The following ADAM2 variants were observed in gnomAD, a reference collection of about 807,000 sequenced individuals.
The protein encoded by ADAM2 is ADAM metallopeptidase domain 2.
A neutral mutation model predicts 99.3 loss-of-function variants in ADAM2; 101 were observed. The ratio of observed to expected loss-of-function variants is 1.02; its 90% CI spans 0.87 to 1.20. The LOEUF (loss-of-function observed/expected upper bound fraction) is 1.20, where lower values mean the gene tolerates loss of function less well. Ranked by LOEUF, ADAM2 falls within the 50% of genes most tolerant of loss-of-function variation. The pLI is 0.00. For missense variants in ADAM2, 948 were observed against 878.7 expected (o/e 1.08, Z -1.00); for synonymous variants, 323 against 287.6 (o/e 1.12, Z -1.25).
intron 7 of ADAM2, among the ~76,000 whole-genome samples, chr8:39,804,183 T>C (rs1804335319): frequency 6.6e-6 from 1 of 152,216 alleles, no homozygotes; most frequent in Non-Finnish European, 1.5e-5. Flanking sequence ...TCAGGATTTA[T>C]GGAACTAAAG....
At chr8:39,797,380 A>C (rs1460699055) in intron 7 of ADAM2, among the ~76,000 whole-genome samples, 1 of 152,026 alleles carries the variant, frequency 6.6e-6, no homozygotes, top group Non-Finnish European at 1.5e-5. Context: ...GTTATTTATG[A>C]GGTCTCTGTT....
At chr8:39,793,604 G>C (rs771974144) in intron 7 of ADAM2, among the ~76,000 whole-genome samples, 19 of 152,086 alleles carry the variant, frequency 1.2e-4, no homozygotes, top group Admixed American at 2.0e-4. Flanking sequence ...TCAACTCACT[G>C]ATAAGAACTC....
intron 11 of ADAM2, among the ~76,000 whole-genome samples, chr8:39,774,502 T>C (rs1192889676): frequency 6.6e-6 from 1 of 152,048 alleles, no homozygotes; most frequent in African/African-American, 2.4e-5. Flanking sequence ...CATTTCTATA[T>C]ACTTGTCACA....
At chr8:39,814,518 C>T (rs1463250116) in intron 6 of ADAM2, among the ~76,000 whole-genome samples, 1 of 152,082 alleles carries the variant, frequency 6.6e-6, no homozygotes, top group Non-Finnish European at 1.5e-5. Context: ...TGGATCTAGT[C>T]AGAAATATCA....
intron 14 of ADAM2, among the ~76,000 whole-genome samples, chr8:39,761,853 G>T (rs1314101977): frequency 6.6e-5 from 10 of 152,132 alleles, no homozygotes; most frequent in Non-Finnish European, 1.5e-4. Context: ...AGGCCGAGGC[G>T]GGCGGATCAC....
At chr8:39,790,559 T>C (rs934367302) in intron 7 of ADAM2, among the ~76,000 whole-genome samples, 2 of 152,002 alleles carry the variant, frequency 1.3e-5, no homozygotes, top group African/African-American at 2.4e-5. Context: ...TAATTGCTAA[T>C]GGATGCAAAG....
chr8:39,786,094 G>A (rs1192066007), intron 10 of ADAM2, among the ~76,000 whole-genome samples: 1 of 152,076 alleles, frequency 6.6e-6, no homozygotes, highest in Non-Finnish European at 1.5e-5. Context: ...CTTATAAGTG[G>A]GAGCTAAACA....
intron 7 of ADAM2, among the ~76,000 whole-genome samples, chr8:39,791,833 T>G (rs1016573254): frequency 2.6e-5 from 4 of 152,062 alleles, no homozygotes; most frequent in Non-Finnish European, 4.4e-5. Context: ...AAAAAAAATC[T>G]TTGACTATAT....
intron 19 of ADAM2, among the ~76,000 whole-genome samples, chr8:39,745,560 C>T (rs1437651624): frequency 6.6e-6 from 1 of 151,898 alleles, no homozygotes; most frequent in African/African-American, 2.4e-5. Context: ...AGCACATATT[C>T]AGATATTTTT....
At position 39,790,493 on chromosome 8, in the gene ADAM2, A is replaced by G. The variant is rs991375526; in HGVS notation, c.571-1753T>C. ...AGAAAAATCTGTATGTTCAAAAAGT[A>G]AATTAGTGATTGCTTGGCCTGTGGT... On this transcript the variant is annotated intron_variant, in intron 7 of 20. Coordinates refer to ENST00000265708, the MANE Select transcript of ADAM2 (RefSeq NM_001464.5). 7.2e-5 allele frequency among the ~76,000 whole-genome samples: 11 copies of G among 152,104 alleles called. No individual in the cohort carries two copies. The East Asian group carries it at 1.9e-3, about 27-fold the overall frequency.
At chr8:39,796,068 T>C (rs574068482) in intron 7 of ADAM2, among the ~76,000 whole-genome samples, 1 of 151,270 alleles carries the variant, frequency 6.6e-6, no homozygotes, top group Non-Finnish European at 1.5e-5. Context: ...TTTTTTTCCT[T>C]TATTTCTTCT....
At chr8:39,791,059 TAA>T (rs201261869) in intron 7 of ADAM2, among the ~76,000 whole-genome samples, 11 of 143,306 alleles carry the variant, frequency 7.7e-5, no homozygotes, top group African/African-American at 2.3e-4. Context: ...ACTTACAATT[TAA>T]AAAAAAAAAA....
intron 9 of ADAM2, 48 bp from the exon 10 acceptor site, chr8:39,787,103 T>A (rs1475817070): frequency 8.5e-7 from 1 of 1,173,750 alleles, no homozygotes. Context: ...TAAAAATTAA[T>A]ATGAATTTTT....
At chr8:39,776,909 G>C (rs1803011764) in intron 11 of ADAM2, 116 bp downstream of exon 11, 4 of 643,152 alleles carry the variant, frequency 6.2e-6, no homozygotes. Flanking sequence ...TTTGGTCCTG[G>C]AGTCCTCAGT....
intron 18 of ADAM2, among the ~76,000 whole-genome samples, chr8:39,747,820 C>T (rs1016260749): frequency 2.0e-5 from 3 of 152,174 alleles, no homozygotes; most frequent in African/African-American, 7.2e-5. Context: ...ATAATGGTTT[C>T]ACTTTCTGCA....
At chr8:39,786,496 C>A (rs1395299623) in intron 10 of ADAM2, among the ~76,000 whole-genome samples, 1 of 151,976 alleles carries the variant, frequency 6.6e-6, no homozygotes, top group Admixed American at 6.6e-5. Flanking sequence ...GTTTTGAATA[C>A]ACTAACATTC....
intron 7 of ADAM2, 24 bp from the exon 8 acceptor site, chr8:39,788,764 G>A: frequency 8.0e-7 from 1 of 1,245,814 alleles, no homozygotes; most frequent in South Asian, 1.6e-5. Context: ...TTACATTTTA[G>A]ATATAAATAT....
chr8:39,788,962 A>G (rs1803588835), intron 7 of ADAM2, among the ~76,000 whole-genome samples: 1 of 151,544 alleles, frequency 6.6e-6, no homozygotes, highest in African/African-American at 2.4e-5. Flanking sequence ...TAGAAATTTA[A>G]AAAGTTTAAA....
At chr8:39,820,966 GTA>G in intron 6 of ADAM2, 34 bp downstream of exon 6, 2 of 1,398,070 alleles carry the variant, frequency 1.4e-6, no homozygotes, top group Admixed American at 2.1e-5. Flanking sequence ...TTGCTGTATA[GTA>G]ATAACCATAG....
Sources: allele counts gnomAD v4.1 joint callset (sites outside exome capture counted in the v4.1 genomes callset), GRCh38; gene constraint gnomAD v4.1.1; transcripts MANE v1.5; gene names NCBI Gene and HGNC (gene_info 2026-07-23, HGNC 2026-07-21).